The following BCL11A variants were observed in gnomAD, a reference collection of about 807,000 sequenced individuals.
BCL11A encodes the protein B cell CLL/lymphoma 11A.
In BCL11A, 2 loss-of-function variants were observed where a neutral mutation model predicts 55.9. The observed-to-expected ratio is 0.04, with a 90% CI of 0.01 to 0.11. The LOEUF is 0.11. Ranked by LOEUF, BCL11A falls within the 10% of genes least tolerant of loss-of-function variation. The pLI is 1.00. For synonymous variants in BCL11A, 465 were observed against 473.4 expected (o/e 0.98, Z 0.23); for missense variants, 817 against 1,137.1 (o/e 0.72, Z 4.05).
intron 2 of BCL11A, chr2:60,535,181 C>T (rs1669614474): frequency 6.6e-6 from 1 of 152,168 alleles, no homozygotes; most frequent in South Asian, 2.1e-4. Flanking sequence ...AGCAATTTAG[C>T]CTTTGAAGAT....
At chr2:60,493,839 CT>C (rs1678791503) in intron 2 of BCL11A, among the ~76,000 whole-genome samples, 1 of 152,132 alleles carries the variant, frequency 6.6e-6, no homozygotes, top group Non-Finnish European at 1.5e-5. Flanking sequence ...AAGATTCCCC[CT>C]GCCTCCCCCT....
intron 3 of BCL11A, among the ~76,000 whole-genome samples, chr2:60,468,025 AGTGGTG>A (rs1676962861): frequency 4.0e-4 from 8 of 20,132 alleles, no homozygotes; most frequent in Non-Finnish European, 5.7e-4. Context: ...TGGTGGTGGT[AGTGGTG>A]GTGATGGTGG....
intron 2 of BCL11A, among the ~76,000 whole-genome samples, chr2:60,540,992 G>GTGTGT (rs1371737091): frequency 2.3e-4 from 31 of 135,854 alleles, no homozygotes; most frequent in South Asian, 4.6e-4. Flanking sequence ...GTGTGTGTGT[G>GTGTGT]GTTATTTTGT....
intron 2 of BCL11A, among the ~76,000 whole-genome samples, chr2:60,501,061 G>A (rs528442985): frequency 6.6e-6 from 1 of 152,304 alleles, no homozygotes; most frequent in African/African-American, 2.4e-5. Flanking sequence ...CAGCAACAGA[G>A]GTCTCCACAG....
intron 2 of BCL11A, among the ~76,000 whole-genome samples, chr2:60,517,459 T>C (rs572872335): frequency 2.0e-5 from 3 of 152,310 alleles, no homozygotes; most frequent in South Asian, 4.1e-4. Context: ...GCACAGGTGA[T>C]TGGGTGGTGG....
intron 2 of BCL11A, among the ~76,000 whole-genome samples, chr2:60,513,189 C>T (rs116641564): frequency 1.3e-3 from 202 of 152,244 alleles, no homozygotes; most frequent in African/African-American, 4.5e-3. Context: ...CATCTTTGAG[C>T]GGCTCTTCCC....
At chr2:60,519,122 C>T (rs566787735) in intron 2 of BCL11A, among the ~76,000 whole-genome samples, 1 of 152,284 alleles carries the variant, frequency 6.6e-6, no homozygotes, top group Admixed American at 6.5e-5. Context: ...AACCAAGAAG[C>T]TTCTTTTCTC....
At chr2:60,540,879 T>G (rs1335691887) in intron 2 of BCL11A, among the ~76,000 whole-genome samples, 1 of 151,398 alleles carries the variant, frequency 6.6e-6, no homozygotes, top group Admixed American at 6.6e-5. Flanking sequence ...TTCAGATCCT[T>G]TATAGTAAAG....
chr2:60,550,750 G>A (rs1036576735), intron 1 of BCL11A: 2 of 398,356 alleles, frequency 5.0e-6, no homozygotes, highest in Non-Finnish European at 8.8e-6. Context: ...AGAGGGGTAC[G>A]AGGGAGCAGC....
rs1475310853 is a variant in BCL11A, at chr2:60,461,900, G to C, written c.1012C>G (p.Pro338Ala). ...AATGGTTGCAGTAACCTTTGCATAG[G>C]GCTGGGCCGGCCTGGGGACAGCGGT... ...SPPLSPGRPSPMQRLLQPFQP... is the reference protein window; with the variant it reads ...SPPLSPGRPSAMQRLLQPFQP... Residue 338 changes from proline to alanine, a missense_variant, in exon 4 of 4, where the codon CCT becomes GCT. This residue lies in a region of BCL11A where 363 missense variants were observed against 486.6 expected (regional missense o/e 0.75). Transcript: ENST00000642384. The C allele has an allele frequency of 6.2e-7, 1 of 1,614,158 alleles. No homozygotes were observed. The highest frequency in any genetic ancestry group is 8.5e-7 in the Non-Finnish European group (1 of 1,180,006).
chr2:60,460,791 G>A lies in BCL11A; in HGVS notation c.2121C>T (p.Asp707=), dbSNP rs1460393411. 10 of 1,613,066 alleles carry A rather than the reference G, an allele frequency of 6.2e-6. No homozygotes were observed. The highest frequency in any genetic ancestry group is 2.2e-5 in the East Asian group (1 of 44,886). Residue 707 remains aspartate (D), a synonymous_variant, in exon 4 of 4, where the codon GAC becomes GAT. Coordinates refer to ENST00000642384, the MANE Select transcript of BCL11A (RefSeq NM_022893.4). ...TGCCGCTGCGCCCCGAGATCCCTCC[G>A]TCCAGCTCCCCGGGCGGTGTGGAGA... ...LRFSTPPGEL[D]GGISGRSGTG... is the part of the protein sequence containing the mutation.
At chr2:60,481,941 T>C (rs1343596313) in intron 2 of BCL11A, among the ~76,000 whole-genome samples, 1 of 152,180 alleles carries the variant, frequency 6.6e-6, no homozygotes, top group Non-Finnish European at 1.5e-5. Flanking sequence ...CACCTAGGTA[T>C]AGAGACCTTC....
At position 60,459,772 on chromosome 2, in the gene BCL11A, A is replaced by G. The variant is rs1272513962; in HGVS notation, c.*632T>C. 5.8e-6 allele frequency: 6 copies of G among 1,041,802 alleles called. No homozygotes were observed. Among genetic ancestry groups the G allele is most frequent in the Non-Finnish European group, 6.9e-6 (6 of 864,260 alleles). The allele number at this position is 1,041,802 out of a possible 1,614,324, so 64.5% of individuals were successfully genotyped here. A position where few individuals can be genotyped will look rare whatever the true frequency, so the allele number is the denominator to read the frequency against. ...CCTTTTTTCTTCCTTTCCAATTGAT[A>G]CATTTAACCCTTTAGAGACAGACAT... On this transcript the variant is annotated 3_prime_UTR_variant, in exon 4 of 4. Coordinates refer to ENST00000642384, the MANE Select transcript of BCL11A (RefSeq NM_022893.4).
At chr2:60,513,852 A>G (rs1478966952) in intron 2 of BCL11A, among the ~76,000 whole-genome samples, 1 of 152,216 alleles carries the variant, frequency 6.6e-6, no homozygotes, top group Non-Finnish European at 1.5e-5. Context: ...CTTCTCAACA[A>G]GCCAGAGATT....
intron 2 of BCL11A, chr2:60,534,731 T>A (rs527516139): frequency 1.3e-5 from 2 of 152,366 alleles, no homozygotes; most frequent in African/African-American, 4.8e-5. Context: ...AGAAGATGCA[T>A]CATTTTGCTC....
chr2:60,466,411 G>T (rs770917691), intron 3 of BCL11A, among the ~76,000 whole-genome samples: 4 of 152,104 alleles, frequency 2.6e-5, no homozygotes, highest in Non-Finnish European at 4.4e-5. Flanking sequence ...CAGCCAGCAT[G>T]CAGGGACTAG....
In BCL11A at chr2:60,460,061, C is replaced by T; in HGVS notation, c.*343G>A. ...CATGCTGTCTAAGTTTAAAAAAAAA[C>T]ATACACAACATGTAAATTATTGCAC... On this transcript the variant is annotated 3_prime_UTR_variant, in exon 4 of 4. Coordinates refer to ENST00000642384, the MANE Select transcript of BCL11A (RefSeq NM_022893.4). 9.2e-7 allele frequency: 1 copy of T among 1,084,042 alleles called. No homozygotes were observed. Among genetic ancestry groups the T allele is most frequent in the Non-Finnish European group, 1.1e-6 (1 of 893,830 alleles). 67.2% of individuals were successfully genotyped at this position (1,084,042 alleles called of 1,614,324 possible).
chr2:60,501,809 C>T (rs1210976168), intron 2 of BCL11A, among the ~76,000 whole-genome samples: 4 of 152,260 alleles, frequency 2.6e-5, no homozygotes, highest in Admixed American at 6.5e-5. Context: ...CCCAGCCTTA[C>T]ACTGCTTTCT....
At chr2:60,514,558 C>T (rs1433076904) in intron 2 of BCL11A, among the ~76,000 whole-genome samples, 2 of 148,330 alleles carry the variant, frequency 1.3e-5, no homozygotes, top group African/African-American at 2.5e-5. Flanking sequence ...ATCCCAGCTA[C>T]TTGGGAGGCT....
Sources: gnomAD v4.1 joint callset for allele counts (sites outside exome capture counted in the v4.1 genomes callset) on GRCh38, gnomAD v4.1.1 for gene constraint, gnomAD v4.1.1 regional missense constraint, MANE v1.5 for transcripts, NCBI Gene and HGNC (gene_info 2026-07-23, HGNC 2026-07-21) for gene names.